Variants in CDH8 observed in about 807,000 individuals in gnomAD.
CDH8 encodes cadherin 8, also known as cadherin-8.
CDH8 carries 17 observed loss-of-function variants against 68.1 expected under a neutral mutation model. The ratio of observed to expected loss-of-function variants is 0.25; its 90% CI spans 0.17 to 0.37. The LOEUF (loss-of-function observed/expected upper bound fraction) is 0.37. Among genes scored for constraint, CDH8 ranks in the 10% least tolerant of loss-of-function variants. The probability of loss-of-function intolerance (pLI) is 1.00; values close to 1 mark genes in which losing one functional copy is unlikely to be tolerated. For missense variants in CDH8, 763 were observed against 999.3 expected, an observed-to-expected ratio of 0.76 and a Z score of 3.19; for synonymous variants, 372 against 365.1, an observed-to-expected ratio of 1.02 and a Z score of -0.21.
In CDH8 at chr16:61,907,851, T is replaced by C. The variant is rs372856274; in HGVS notation, c.253-6378A>G. Among the ~76,000 whole-genome samples, 28 of 152,016 alleles carry C rather than the reference T, an allele frequency of 1.8e-4. No homozygotes were observed. In the East Asian group the frequency reaches 3.1e-3, roughly 17 times the overall value. On this transcript the variant is annotated intron_variant, in intron 2 of 11. Transcript: ENST00000577390. ...CGAGGTCAGGAGATCGAGACCATCC[T>C]GGCTAACACGGTGAAACCCTGTCTC...
At chr16:61,909,348 A>G (rs1316678905) in intron 2 of CDH8, among the ~76,000 whole-genome samples, 2 of 152,202 alleles carry the variant, frequency 1.3e-5, no homozygotes, top group Non-Finnish European at 2.9e-5. Flanking sequence ...ACTCTTTTAA[A>G]TGGTAAGTTC....
intron 2 of CDH8, among the ~76,000 whole-genome samples, chr16:61,995,379 C>A (rs1965790958): frequency 6.6e-6 from 1 of 152,032 alleles, no homozygotes; most frequent in Admixed American, 6.6e-5. Flanking sequence ...TTTGCTGTTA[C>A]TTTCACTTTT....
At chr16:61,908,565 C>T (rs757139485) in intron 2 of CDH8, among the ~76,000 whole-genome samples, 16 of 152,106 alleles carry the variant, frequency 1.1e-4, no homozygotes, top group Non-Finnish European at 2.1e-4. Context: ...ATGAATGTTA[C>T]CAAATGTGAA....
chr16:61,982,479 A>G (rs1479662956), intron 2 of CDH8, among the ~76,000 whole-genome samples: 1 of 152,064 alleles, frequency 6.6e-6, no homozygotes, highest in Non-Finnish European at 1.5e-5. Context: ...TCGGCCTCCC[A>G]TAGTGCTGGG....
intron 2 of CDH8, among the ~76,000 whole-genome samples, chr16:61,946,125 G>A (rs1398915211): frequency 6.6e-6 from 1 of 152,006 alleles, no homozygotes; most frequent in Non-Finnish European, 1.5e-5. Flanking sequence ...TTGCACACAG[G>A]AAAACATACA....
intron 8 of CDH8, among the ~76,000 whole-genome samples, chr16:61,739,053 A>T (rs1466728318): frequency 3.9e-5 from 6 of 152,144 alleles, no homozygotes; most frequent in Non-Finnish European, 8.8e-5. Context: ...CCCTTTTAGT[A>T]AACTAAGTCT....
chr16:61,874,270 G>C (rs1447575650), intron 3 of CDH8, among the ~76,000 whole-genome samples: 2 of 152,124 alleles, frequency 1.3e-5, no homozygotes, highest in Non-Finnish European at 2.9e-5. Flanking sequence ...GCTGAGCTAT[G>C]ATGTTAGGTA....
chr16:61,769,723 G>C (rs1050607672), intron 8 of CDH8, among the ~76,000 whole-genome samples: 3 of 151,780 alleles, frequency 2.0e-5, no homozygotes, highest in African/African-American at 7.2e-5. Flanking sequence ...AATAATTATA[G>C]TACGTGAACA....
chr16:61,754,912 T>C (rs1567455142), intron 8 of CDH8, among the ~76,000 whole-genome samples: 2 of 152,144 alleles, frequency 1.3e-5, no homozygotes, highest in African/African-American at 4.8e-5. Flanking sequence ...TTTTCAGCAC[T>C]GGCCCCCTAC....
At chr16:62,025,165 T>C (rs1902167994) in intron 1 of CDH8, among the ~76,000 whole-genome samples, 1 of 152,118 alleles carries the variant, frequency 6.6e-6, no homozygotes, top group African/African-American at 2.4e-5. Context: ...TGAAAGAACA[T>C]TTCAGTCAAC....
chr16:61,788,224 A>G (rs1430318572), intron 8 of CDH8, among the ~76,000 whole-genome samples: 1 of 152,046 alleles, frequency 6.6e-6, no homozygotes, highest in Non-Finnish European at 1.5e-5. Context: ...TCTCCTGAAC[A>G]CCTGGATTAC....
intron 4 of CDH8, among the ~76,000 whole-genome samples, chr16:61,839,178 A>T (rs193187607): frequency 7.8e-4 from 119 of 152,262 alleles, no homozygotes; most frequent in Non-Finnish European, 1.5e-3. Context: ...ATAGATAGGC[A>T]GATTGTACTG....
At position 61,690,013 on chromosome 16, in the gene CDH8, G is replaced by A. The variant is rs1466478011; in HGVS notation, c.1654+23828C>T. Among the ~76,000 whole-genome samples, 8 of 151,866 alleles carry A rather than the reference G, an allele frequency of 5.3e-5. No individual in the cohort carries two copies. In the East Asian group the frequency reaches 9.7e-4, roughly 18 times the overall value. ...AACCAGTTACACTGTGATTGTCTAC[G>A]TCTACATTCATACCACAATTCCATA... is the stretch of plus-strand genomic sequence containing the variant. On this transcript the variant is annotated intron_variant, in intron 10 of 11. Transcript: ENST00000577390.
intron 7 of CDH8, among the ~76,000 whole-genome samples, chr16:61,790,871 G>A (rs1961362313): frequency 6.6e-6 from 1 of 151,656 alleles, no homozygotes; most frequent in Admixed American, 6.6e-5. Context: ...AGCTAGATAG[G>A]TATAGATAGA....
rs539960476 is a variant in CDH8 at position 61,729,710 on chromosome 16, T to C, written c.1415-2495A>G. Among the ~76,000 whole-genome samples, 3 of 151,564 alleles carry C rather than the reference T, an allele frequency of 2.0e-5. No homozygotes were observed. The South Asian group carries it at 6.2e-4, about 31-fold the overall frequency. ...TAAAGAAACTTCTACTAGATATTTT[T>C]ACTTTAATCTCGCTAAATATTCAAT... On this transcript the variant is annotated intron_variant, in intron 8 of 11. Transcript: ENST00000577390.
intron 2 of CDH8, among the ~76,000 whole-genome samples, chr16:61,963,105 T>C (rs1201732401): frequency 6.6e-6 from 1 of 152,200 alleles, no homozygotes; most frequent in Non-Finnish European, 1.5e-5. Context: ...GGTTGGATTC[T>C]GAATATCAGG....
intron 1 of CDH8, among the ~76,000 whole-genome samples, chr16:62,027,672 A>G (rs2150619014): frequency 6.6e-6 from 1 of 152,324 alleles, no homozygotes; most frequent in Admixed American, 6.5e-5. Flanking sequence ...TCACGAAAGC[A>G]GGGGGTGGCG....
chr16:61,975,472 T>C (rs1187256934), intron 2 of CDH8, among the ~76,000 whole-genome samples: 2 of 152,192 alleles, frequency 1.3e-5, no homozygotes, highest in East Asian at 1.9e-4. Flanking sequence ...GTCTAGTGTA[T>C]GCCATAGGCT....
intron 2 of CDH8, among the ~76,000 whole-genome samples, chr16:62,014,961 A>G (rs1901900877): frequency 6.6e-6 from 1 of 152,046 alleles, no homozygotes. Context: ...GACTTACAGA[A>G]CAAGGACTAA....
Sources: allele counts gnomAD v4.1 joint callset (sites outside exome capture counted in the v4.1 genomes callset), GRCh38; gene constraint gnomAD v4.1.1; transcripts MANE v1.5; gene names NCBI Gene and HGNC (gene_info 2026-07-23, HGNC 2026-07-21).